MKNK2: variants seen among roughly 807,000 people sequenced by gnomAD.
The protein encoded by MKNK2 is MAPK interacting serine/threonine kinase 2, also known as MAP kinase-interacting serine/threonine-protein kinase 2.
MKNK2 carries 54 observed loss-of-function variants against 55.0 expected under a neutral mutation model. That is an observed-to-expected ratio of 0.98 (90% CI 0.79 to 1.23). The LOEUF (loss-of-function observed/expected upper bound fraction) is 1.23, where lower values mean the gene tolerates loss of function less well. Among genes scored for constraint, MKNK2 ranks in the 50% most tolerant of loss-of-function variants. The pLI, the probability that MKNK2 is intolerant of heterozygous loss-of-function variation, is 0.00. For missense variants in MKNK2, 685 were observed against 632.1 expected (o/e 1.08, Z -0.90); for synonymous variants, 323 against 256.0 (o/e 1.26, Z -2.50).
rs907547678 is a variant in MKNK2, at chr19:2,040,297, C to T, written c.1111-120G>A. On this transcript the variant is annotated intron_variant, in intron 12 of 13. Coordinates refer to ENST00000250896, the MANE Select transcript of MKNK2 (RefSeq NM_199054.3). Reference sequence around the variant, plus strand: ...CCATCACCAGGACCCCACCGGAGACCAGGAGTGCACCTGGGTGCCCCGGGA... The same window carrying T: ...CCATCACCAGGACCCCACCGGAGACTAGGAGTGCACCTGGGTGCCCCGGGA... 4.4e-6 allele frequency: 4 copies of T among 904,892 alleles called. No individual in the cohort carries two copies. In the African/African-American group the frequency reaches 6.8e-5, roughly 15 times the overall value. The allele number at this position is 904,892 out of a possible 1,614,324, so 56.1% of individuals were successfully genotyped here.
At chr19:2,040,028 C>T (rs2145683077) in intron 13 of MKNK2, 106 bp downstream of exon 13, 2 of 1,425,010 alleles carry the variant, frequency 1.4e-6, no homozygotes, top group East Asian at 2.4e-5. Flanking sequence ...CCAGGCTTGC[C>T]TGCCTCCCCG....
intron 11 of MKNK2, 116 bp downstream of exon 11, chr19:2,041,724 G>A: frequency 1.2e-6 from 1 of 824,416 alleles, no homozygotes; most frequent in Non-Finnish European, 1.8e-6. Context: ...TGGTCAGGGG[G>A]CAGGTCCCCT....
chr19:2,037,712 C>T lies in MKNK2; in HGVS notation c.*1901G>A. The stretch of plus-strand genomic sequence containing the variant: ...ACCGTCCCCCAGCGATGGGAGCTGG[C>T]CTGGGGCCCAGGGTCCTCCAGGATC... On this transcript the variant is annotated 3_prime_UTR_variant, in exon 14 of 14. Coordinates refer to ENST00000250896, the MANE Select transcript of MKNK2 (RefSeq NM_199054.3). 6.5e-7 allele frequency: 1 copy of T among 1,532,844 alleles called. No homozygotes were observed. The highest frequency in any genetic ancestry group is 8.9e-7 in the Non-Finnish European group (1 of 1,126,586). The allele number at this position is 1,532,844 out of a possible 1,614,324, so 95.0% of individuals were successfully genotyped here.
Position 2,046,177 on chromosome 19 carries a change from C to CG in MKNK2, c.339+8dup. 1 of 1,607,628 alleles carries CG rather than the reference C, an allele frequency of 6.2e-7. No individual in the cohort carries two copies. Among genetic ancestry groups the CG allele is most frequent in the Non-Finnish European group, 8.5e-7 (1 of 1,179,698 alleles). Reference sequence around the variant, plus strand: ...GCGCTGGGTTCCCCAGGGCGCGGCGCGGGCCCACCTTGACGGCGTACTCCT... The same window carrying CG: ...GCGCTGGGTTCCCCAGGGCGCGGCGCGGGGCCCACCTTGACGGCGTACTCCT... On this transcript the variant is annotated intron_variant, in intron 5 of 13. Transcript: ENST00000250896.
intron 5 of MKNK2, 115 bp from the exon 6 acceptor site, chr19:2,043,697 T>A: frequency 1.1e-6 from 1 of 939,940 alleles, no homozygotes; most frequent in Non-Finnish European, 1.7e-6. Context: ...CCTGCAACTC[T>A]AGAAAGCAGG....
intron 3 of MKNK2, 62 bp from the exon 4 acceptor site, chr19:2,046,530 C>T (rs1301153108): frequency 1.9e-6 from 3 of 1,562,640 alleles, no homozygotes; most frequent in South Asian, 1.2e-5. Context: ...GCCCCCACCC[C>T]CCTGCAGGGG....
Position 2,050,790 on chromosome 19 carries a change from C to G in MKNK2, c.51+11G>C, listed in dbSNP as rs930257691. The G allele has an allele frequency of 1.3e-6, 2 of 1,536,186 alleles. No homozygotes were observed. The highest frequency in any genetic ancestry group is 1.8e-6 in the Non-Finnish European group (2 of 1,141,438). On this transcript the variant is annotated intron_variant, in intron 2 of 13. Coordinates refer to ENST00000250896, the MANE Select transcript of MKNK2 (RefSeq NM_199054.3). The stretch of plus-strand genomic sequence containing the variant: ...AGCCCGGAGCGCCCCCAAACCGACC[C>G]CGGGCCTCACCTTGAACGAACGGTG...
In MKNK2 at chr19:2,038,400, C is replaced by A. The variant is rs2016800526; in HGVS notation, c.*1213G>T. 3 of 985,910 alleles carry A rather than the reference C, an allele frequency of 3.0e-6. No homozygotes were observed. The highest frequency in any genetic ancestry group is 3.6e-6 in the Non-Finnish European group (3 of 830,110). 61.1% of individuals were successfully genotyped at this position (985,910 alleles called of 1,614,324 possible). On this transcript the variant is annotated 3_prime_UTR_variant, in exon 14 of 14. Coordinates refer to ENST00000250896, the MANE Select transcript of MKNK2 (RefSeq NM_199054.3). ...AGCCGCGCGCACTTCTAAAGTGGAA[C>A]CCTGTATTGCATAGAACGTCCCCAC...
chr19:2,042,883 G>A lies in MKNK2; in HGVS notation c.494-13C>T, dbSNP rs750328966. On this transcript the variant is annotated splice_polypyrimidine_tract_variant and intron_variant, in intron 7 of 13. Coordinates refer to ENST00000250896, the MANE Select transcript of MKNK2 (RefSeq NM_199054.3). ...CTCAGGATGGAGCCTGGGCAGGGCAGGGCAGGGCAGGACAGGGGGAACACG... is the reference window on the plus strand; with the variant it reads ...CTCAGGATGGAGCCTGGGCAGGGCAAGGCAGGGCAGGACAGGGGGAACACG... The A allele has an allele frequency of 6.4e-6, 10 of 1,558,012 alleles. No individual in the cohort carries two copies. The East Asian group carries it at 2.1e-4, about 33-fold the overall frequency.
In MKNK2 at chr19:2,037,539, TA is replaced by T; in HGVS notation, c.*2073del. 1 of 410,280 alleles carries T rather than the reference TA, an allele frequency of 2.4e-6. No individual in the cohort carries two copies. The allele number at this position is 410,280 out of a possible 1,614,324, so 25.4% of individuals were successfully genotyped here. On this transcript the variant is annotated 3_prime_UTR_variant, in exon 14 of 14. Transcript: ENST00000250896. ...AAAATTCCGGCATTGACAGTTGGTG[TA>T]AAGGAAAACTTCTGAGCTCCGTCAG... is the stretch of plus-strand genomic sequence containing the variant.
In MKNK2 at chr19:2,041,117, T is replaced by C; in HGVS notation, c.1033A>G (p.Ile345Val). Reference protein sequence around the residue: ...AHISCAAKDLISKLLVRDAKQ... With the variant: ...AHISCAAKDLVSKLLVRDAKQ... ...GCGTCACGGACCAGCAGCTTGGAGA[T>C]GAGGTCTTTGGCAGCGCAGGAGATG... is the stretch of plus-strand genomic sequence containing the variant. Residue 345 changes from isoleucine to valine, a missense_variant, in exon 12 of 14, where the codon ATC (isoleucine) becomes GTC (valine). Coordinates refer to ENST00000250896, the MANE Select transcript of MKNK2 (RefSeq NM_199054.3). 6.2e-7 allele frequency: 1 copy of C among 1,614,004 alleles called. No individual in the cohort carries two copies. Among genetic ancestry groups the C allele is most frequent in the Non-Finnish European group, 8.5e-7 (1 of 1,179,948 alleles).
intron 12 of MKNK2, chr19:2,040,614 C>A: frequency 3.8e-6 from 1 of 264,638 alleles, no homozygotes; most frequent in Non-Finnish European, 7.3e-6. Context: ...CCTGGGGTGG[C>A]AGCTCAGCTC....
chr19:2,041,862 C>T lies in MKNK2; in HGVS notation c.923G>A (p.Gly308Asp). 6.5e-7 allele frequency: 1 copy of T among 1,535,592 alleles called. No individual in the cohort carries two copies. ...RCGSDCGWDR[G>D]EACPACQNML... ...CACCTGGCAGGCAGGGCAGGCCTCG[C>T]CGCGGTCCCAGCCGCAGTCGCTGCC... The change falls in exon 11 of 14, where the codon GGC (glycine) becomes GAC (aspartate). Residue 308 changes from glycine (G) to aspartate (D), a missense_variant. Transcript: ENST00000250896.
chr19:2,043,525 G>A lies in MKNK2; in HGVS notation c.397C>T (p.Leu133=). The part of the protein sequence containing the change: ...RSRVFREVEM[L]YQCQGHRNVL... ...TACCTGTGTCCCTGGCACTGGTACA[G>A]CATCTCCACCTCCCTGAAAACCCTG... The change falls in exon 6 of 14, where the codon CTG becomes TTG. Residue 133 remains leucine, a synonymous_variant. Transcript: ENST00000250896. 6.2e-7 allele frequency: 1 copy of A among 1,614,054 alleles called. No homozygotes were observed. The highest frequency in any genetic ancestry group is 8.5e-7 in the Non-Finnish European group (1 of 1,179,960).
At chr19:2,045,014 G>A (rs998075423) in intron 5 of MKNK2, among the ~76,000 whole-genome samples, 1 of 152,078 alleles carries the variant, frequency 6.6e-6, no homozygotes, top group East Asian at 1.9e-4. Context: ...ACGAAACAAC[G>A]CTCCTCAGAC....
Position 2,042,807 on chromosome 19 carries a change from A to ACCACCACGCTGGG in MKNK2, c.556_557insCCCAGCGTGGTGG (p.Val186AlafsTer17). 1.3e-6 allele frequency: 2 copies of ACCACCACGCTGGG among 1,581,678 alleles called. No individual in the cohort carries two copies. Among genetic ancestry groups the ACCACCACGCTGGG allele is most frequent in the Non-Finnish European group, 1.7e-6 (2 of 1,163,134 alleles). ...GTCCAAGGCGCTGGCCACGTCCTGC[A>ACCACCACGCTGGG]CCACCACGCTGGCCTCCAGCTCGTT... On this transcript the variant is annotated frameshift_variant, in exon 8 of 14. Transcript: ENST00000250896. LOFTEE classifies it high-confidence loss of function.
At chr19:2,044,273 C>T (rs1198958198) in intron 5 of MKNK2, among the ~76,000 whole-genome samples, 1 of 152,220 alleles carries the variant, frequency 6.6e-6, no homozygotes, top group African/African-American at 2.4e-5. Context: ...GTCCTGCTCC[C>T]CAGCTCCGTG....
In MKNK2 at chr19:2,042,262, C is replaced by T. The variant is rs867831037; in HGVS notation, c.750+165G>A. The T allele has an allele frequency of 5.0e-5, 38 of 753,896 alleles. No homozygotes were observed. The African/African-American group carries it at 6.2e-4, about 12-fold the overall frequency. The allele number at this position is 753,896 out of a possible 1,614,324, so 46.7% of individuals were successfully genotyped here. A position where few individuals can be genotyped will look rare whatever the true frequency, so the allele number is the denominator to read the frequency against. On this transcript the variant is annotated intron_variant, in intron 10 of 13. Coordinates refer to ENST00000250896, the MANE Select transcript of MKNK2 (RefSeq NM_199054.3). ...GGCCAAACACCGACGCGTTGGGGCG[C>T]CTGCTCGAGGCCCCGCCGCGACACC...
At chr19:2,042,964 G>T (rs2145687938) in intron 7 of MKNK2, 94 bp from the exon 8 acceptor site, 3 of 1,385,822 alleles carry the variant, frequency 2.2e-6, no homozygotes, top group Middle Eastern at 2.2e-4. Flanking sequence ...TGGCGGGGAC[G>T]CCCCCACACT....
Sources: gnomAD v4.1 joint callset for allele counts (sites outside exome capture counted in the v4.1 genomes callset) on GRCh38, gnomAD v4.1.1 for gene constraint, MANE v1.5 for transcripts, NCBI Gene and HGNC (gene_info 2026-07-23, HGNC 2026-07-21) for gene names.